CYP7B1: variants seen among roughly 807,000 people sequenced by gnomAD.
CYP7B1 encodes cytochrome P450 7B1.
In CYP7B1, 29 loss-of-function variants were observed where a neutral mutation model predicts 42.7. The ratio of observed to expected loss-of-function variants is 0.68; its 90% CI spans 0.51 to 0.93. CYP7B1 has a LOEUF of 0.93. Ranked by LOEUF, CYP7B1 falls within the 40% of genes least tolerant of loss-of-function variation. The pLI, the probability that CYP7B1 is intolerant of heterozygous loss-of-function variation, is 0.00. For synonymous variants in CYP7B1, 235 were observed against 218.2 expected (o/e 1.08, Z -0.68); for missense variants, 655 against 600.5 (o/e 1.09, Z -0.95).
intron 1 of CYP7B1, among the ~76,000 whole-genome samples, chr8:64,711,683 TG>T (rs1807083974): frequency 1.3e-5 from 2 of 152,154 alleles, no homozygotes; most frequent in Non-Finnish European, 1.5e-5. Context: ...GAGGCACCCT[TG>T]TGGGGGTTAT....
chr8:64,788,260 T>C (rs1177307489), intron 1 of CYP7B1, among the ~76,000 whole-genome samples: 3 of 152,296 alleles, frequency 2.0e-5, no homozygotes, highest in Admixed American at 6.5e-5. Context: ...AGTAAGGGAA[T>C]TGAAGGAGTG....
intron 5 of CYP7B1, among the ~76,000 whole-genome samples, chr8:64,601,629 T>A (rs1434253884): frequency 1.3e-5 from 2 of 152,252 alleles, no homozygotes; most frequent in Non-Finnish European, 1.5e-5. Context: ...AGAGGTTGCA[T>A]GTTGGTAGCT....
intron 1 of CYP7B1, among the ~76,000 whole-genome samples, chr8:64,697,156 C>T (rs1027261764): frequency 3.9e-5 from 6 of 152,204 alleles, no homozygotes; most frequent in Non-Finnish European, 7.3e-5. Flanking sequence ...CACAAATTCT[C>T]TCCACAACGT....
intron 1 of CYP7B1, among the ~76,000 whole-genome samples, chr8:64,685,795 C>T (rs1418409932): frequency 1.8e-5 from 1 of 55,634 alleles, no homozygotes; most frequent in Admixed American, 1.6e-4. Context: ...AGCCCCCCCG[C>T]CCGGCCAGCC....
Position 64,615,166 on chromosome 8 carries a change from T to A in CYP7B1, c.917A>T (p.Tyr306Phe), listed in dbSNP as rs1406909930. 3 of 1,613,622 alleles carry A rather than the reference T, an allele frequency of 1.9e-6. No homozygotes were observed. The highest frequency in any genetic ancestry group is 3.3e-5 in the Admixed American group (2 of 59,896). ...AGCTTCTGGGTGCCGCAGAAGATAA[T>A]ACATTGCCCAGAACATAGTTGGAAT... ...NTIPTMFWAM[Y>F]YLLRHPEAMA... The change falls in exon 4 of 6, where the codon TAT becomes TTT. Residue 306 changes from tyrosine to phenylalanine, a missense_variant. Transcript: ENST00000310193.
intron 1 of CYP7B1, among the ~76,000 whole-genome samples, chr8:64,776,412 C>T (rs1454469549): frequency 5.3e-5 from 8 of 152,034 alleles, no homozygotes; most frequent in Non-Finnish European, 1.2e-4. Context: ...AAAGAACAAC[C>T]AATTTTTCAG....
At chr8:64,702,298 C>T (rs1470911323) in intron 1 of CYP7B1, among the ~76,000 whole-genome samples, 1 of 151,964 alleles carries the variant, frequency 6.6e-6, no homozygotes, top group Non-Finnish European at 1.5e-5. Flanking sequence ...GTGTCAGTAT[C>T]CATCAGCAGC....
At chr8:64,765,439 T>C (rs1043480132) in intron 1 of CYP7B1, among the ~76,000 whole-genome samples, 3 of 152,200 alleles carry the variant, frequency 2.0e-5, no homozygotes, top group Non-Finnish European at 4.4e-5. Context: ...TGCATCTTGA[T>C]GGGGCAACTG....
chr8:64,644,803 A>T (rs1805922894), intron 1 of CYP7B1, among the ~76,000 whole-genome samples: 1 of 151,990 alleles, frequency 6.6e-6, no homozygotes, highest in Non-Finnish European at 1.5e-5. Flanking sequence ...GTACATGTGC[A>T]CAATGTGCAG....
At chr8:64,621,798 C>T (rs1215140828) in intron 2 of CYP7B1, among the ~76,000 whole-genome samples, 14 of 145,962 alleles carry the variant, frequency 9.6e-5, no homozygotes, top group East Asian at 2.0e-4. Flanking sequence ...TGCAGTGGTA[C>T]GATCTCGGCT....
At chr8:64,688,582 G>A (rs1806691852) in intron 1 of CYP7B1, among the ~76,000 whole-genome samples, 1 of 152,190 alleles carries the variant, frequency 6.6e-6, no homozygotes, top group Admixed American at 6.5e-5. Context: ...AACTCTGGCT[G>A]AAGTGCAAGT....
chr8:64,795,755 C>T (rs1804694234), intron 1 of CYP7B1, among the ~76,000 whole-genome samples: 1 of 152,204 alleles, frequency 6.6e-6, no homozygotes. Flanking sequence ...CTTCCATCAA[C>T]CCCACAGTCA....
intron 1 of CYP7B1, among the ~76,000 whole-genome samples, chr8:64,746,442 A>G (rs1251166215): frequency 3.3e-5 from 5 of 152,200 alleles, no homozygotes; most frequent in African/African-American, 1.2e-4. Context: ...CATTTACAGA[A>G]TATATTAAAA....
intron 1 of CYP7B1, among the ~76,000 whole-genome samples, chr8:64,708,843 T>TTG (rs1249391730): frequency 1.3e-5 from 2 of 152,144 alleles, no homozygotes; most frequent in Admixed American, 6.6e-5. Flanking sequence ...TTGAAGACAT[T>TTG]TGTGTGTGTG....
chr8:64,772,277 C>T (rs986835806), intron 1 of CYP7B1, among the ~76,000 whole-genome samples: 1 of 152,162 alleles, frequency 6.6e-6, no homozygotes, highest in Non-Finnish European at 1.5e-5. Context: ...GGTCACATTG[C>T]CCAGATATTT....
At chr8:64,754,083 A>G (rs973645541) in intron 1 of CYP7B1, among the ~76,000 whole-genome samples, 1 of 152,018 alleles carries the variant, frequency 6.6e-6, no homozygotes, top group African/African-American at 2.4e-5. Flanking sequence ...GTCCCCATAC[A>G]CAACCATGTC....
chr8:64,787,983 A>G (rs1229351249), intron 1 of CYP7B1, among the ~76,000 whole-genome samples: 1 of 152,192 alleles, frequency 6.6e-6, no homozygotes, highest in Non-Finnish European at 1.5e-5. Flanking sequence ...CTCACTATCA[A>G]GAGAATAGCA....
chr8:64,798,529 G>A lies in CYP7B1; in HGVS notation c.59C>T (p.Pro20Leu), dbSNP rs537303950. The A allele has an allele frequency of 1.1e-3, 1,694 of 1,501,264 alleles. 3 individuals are homozygous for A. The highest frequency in any genetic ancestry group is 1.3e-3 in the Non-Finnish European group (1,504 of 1,134,084). The allele number at this position is 1,501,264 out of a possible 1,614,324, so 93.0% of individuals were successfully genotyped here. Residue 20 changes from proline to leucine, a missense_variant, in exon 1 of 6, where the codon CCG (proline) becomes CTG (leucine). Coordinates refer to ENST00000310193, the MANE Select transcript of CYP7B1 (RefSeq NM_004820.5). ...CAGGGCCGCGGCGAGGGCCAGGCCC[G>A]GGAGGCCCAACCGCTCCAGCGAAAA... Reference protein sequence around the residue: ...GRFSLERLGLPGLALAAALLL... With the variant: ...GRFSLERLGLLGLALAAALLL...
intron 1 of CYP7B1, among the ~76,000 whole-genome samples, chr8:64,748,860 C>A (rs1807686115): frequency 6.6e-6 from 1 of 152,116 alleles, no homozygotes; most frequent in Admixed American, 6.6e-5. Context: ...CTAGGCTCAT[C>A]CATGTGCAGA....
Sources: gnomAD v4.1 joint callset for allele counts (sites outside exome capture counted in the v4.1 genomes callset) on GRCh38, gnomAD v4.1.1 for gene constraint, MANE v1.5 for transcripts, NCBI Gene and HGNC (gene_info 2026-07-23, HGNC 2026-07-21) for gene names.